The following IMMP2L variants were observed in gnomAD, a reference collection of about 807,000 sequenced individuals.
IMMP2L encodes inner mitochondrial membrane peptidase subunit 2, also known as mitochondrial inner membrane protease subunit 2.
Under a neutral mutation model 19.3 loss-of-function variants are expected in IMMP2L, and 18 were observed. The ratio of observed to expected loss-of-function variants is 0.93; its 90% CI spans 0.64 to 1.38. The LOEUF is 1.38. Among genes scored for constraint, IMMP2L ranks in the 40% most tolerant of loss-of-function variants. The pLI, the probability that IMMP2L is intolerant of heterozygous loss-of-function variation, is 0.00. For missense variants in IMMP2L, 233 were observed against 218.2 expected (o/e 1.07, Z -0.43); for synonymous variants, 76 against 73.0 (o/e 1.04, Z -0.21).
At chr7:111,014,425 A>G (rs1585750824) in intron 3 of IMMP2L, among the ~76,000 whole-genome samples, 1 of 152,210 alleles carries the variant, frequency 6.6e-6, no homozygotes, top group African/African-American at 2.4e-5. Flanking sequence ...GTATGTACAA[A>G]TTACATTTTA....
chr7:110,914,056 C>T (rs1461583371), intron 4 of IMMP2L, among the ~76,000 whole-genome samples: 3 of 152,138 alleles, frequency 2.0e-5, no homozygotes, highest in African/African-American at 4.8e-5. Flanking sequence ...GTCTTGAGCA[C>T]TCAAAAAAAC....
chr7:110,912,033 G>A (rs1345130632), intron 4 of IMMP2L, among the ~76,000 whole-genome samples: 1 of 151,992 alleles, frequency 6.6e-6, no homozygotes, highest in South Asian at 2.1e-4. Flanking sequence ...CATTTCAAAG[G>A]TGTCTGTCTT....
At chr7:111,028,721 A>G in intron 3 of IMMP2L, among the ~76,000 whole-genome samples, 1 of 152,156 alleles carries the variant, frequency 6.6e-6, no homozygotes, top group East Asian at 1.9e-4. Context: ...TTTAGTTAGT[A>G]TTCCATGGTT....
intron 3 of IMMP2L, among the ~76,000 whole-genome samples, chr7:111,032,741 G>C (rs1790956761): frequency 6.6e-6 from 1 of 152,154 alleles, no homozygotes; most frequent in African/African-American, 2.4e-5. Flanking sequence ...AGAATTGCTT[G>C]AATCCAGGAG....
At chr7:111,064,257 T>G (rs761896074) in intron 3 of IMMP2L, among the ~76,000 whole-genome samples, 1 of 152,186 alleles carries the variant, frequency 6.6e-6, no homozygotes, top group Non-Finnish European at 1.5e-5. Flanking sequence ...AGGAAAAACC[T>G]GCCCCCATAA....
rs779644128 is a variant in IMMP2L, at chr7:111,364,727, T to G, written c.239+122511A>C. 5.3e-5 allele frequency among the ~76,000 whole-genome samples: 8 copies of G among 151,868 alleles called. 1 individual carries two copies. Among genetic ancestry groups the G allele is most frequent in the Non-Finnish European group, 8.8e-5 (6 of 67,964 alleles). On this transcript the variant is annotated intron_variant, in intron 3 of 5. Transcript: ENST00000405709. The stretch of plus-strand genomic sequence containing the variant: ...GACTCACTCCTGTAATCCCAGCACT[T>G]TGGGACGCCAAGGCAGGCGAATCAC...
At chr7:110,851,998 C>G (rs1383763750) in intron 5 of IMMP2L, among the ~76,000 whole-genome samples, 5 of 152,058 alleles carry the variant, frequency 3.3e-5, no homozygotes, top group Admixed American at 3.3e-4. Context: ...GCAAAATTGA[C>G]ACTGCATGAC....
At chr7:111,320,039 C>T (rs1824516224) in intron 3 of IMMP2L, among the ~76,000 whole-genome samples, 1 of 151,896 alleles carries the variant, frequency 6.6e-6, no homozygotes, top group Admixed American at 6.6e-5. Flanking sequence ...TCTTCATCCC[C>T]ACATCAGCCT....
intron 3 of IMMP2L, among the ~76,000 whole-genome samples, chr7:111,271,310 G>C (rs1458166213): frequency 6.6e-6 from 1 of 152,086 alleles, no homozygotes; most frequent in African/African-American, 2.4e-5. Context: ...ACCCAGTCTT[G>C]GGCAGTCCTT....
intron 4 of IMMP2L, among the ~76,000 whole-genome samples, chr7:110,948,044 T>G (rs917060658): frequency 6.6e-6 from 1 of 152,136 alleles, no homozygotes; most frequent in Admixed American, 6.5e-5. Flanking sequence ...GGAAAAACAT[T>G]TAATCATTTT....
rs189724468 is a variant in IMMP2L, at chr7:111,271,679, C to T, written c.239+215559G>A. Among the ~76,000 whole-genome samples the T allele has an allele frequency of 1.3e-3, 204 of 152,240 alleles. 1 individual carries two copies. Among genetic ancestry groups the T allele is most frequent in the African/African-American group, 4.7e-3 (197 of 41,540 alleles). ...TGACAATCAGTGGCCCAGGTAACTA[C>T]ATCCACACAGATGCCTGCCATGACT... is the stretch of plus-strand genomic sequence containing the variant. On this transcript the variant is annotated intron_variant, in intron 3 of 5. Coordinates refer to ENST00000405709, the MANE Select transcript of IMMP2L (RefSeq NM_032549.4).
At chr7:111,511,539 C>T (rs1392320263) in intron 2 of IMMP2L, among the ~76,000 whole-genome samples, 1 of 151,612 alleles carries the variant, frequency 6.6e-6, no homozygotes, top group Non-Finnish European at 1.5e-5. Flanking sequence ...ATCCCAGCTA[C>T]TCAGGGGGCT....
At position 111,322,929 on chromosome 7, in the gene IMMP2L, T is replaced by A. The variant is rs923681935; in HGVS notation, c.239+164309A>T. Among the ~76,000 whole-genome samples the A allele has an allele frequency of 2.7e-5, 4 of 147,634 alleles. No homozygotes were observed. In the East Asian group the frequency reaches 7.8e-4, roughly 29 times the overall value. ...TTCATAGCATTAAATACTTACATAA[T>A]TTTTTTTTTACAAAAGTAAATAAAA... is the stretch of plus-strand genomic sequence containing the variant. On this transcript the variant is annotated intron_variant, in intron 3 of 5. Transcript: ENST00000405709.
intron 3 of IMMP2L, among the ~76,000 whole-genome samples, chr7:111,090,501 C>A: frequency 6.6e-6 from 1 of 150,728 alleles, no homozygotes; most frequent in African/African-American, 2.4e-5. Context: ...ATTAGAAATA[C>A]ATATTTTTAA....
At chr7:111,254,356 A>T (rs866111362) in intron 3 of IMMP2L, among the ~76,000 whole-genome samples, 1 of 152,120 alleles carries the variant, frequency 6.6e-6, no homozygotes, top group South Asian at 2.1e-4. Flanking sequence ...CAAATCTGCA[A>T]AGGGGAAAGT....
At chr7:110,742,203 T>C (rs1245428906) in intron 5 of IMMP2L, among the ~76,000 whole-genome samples, 1 of 152,184 alleles carries the variant, frequency 6.6e-6, no homozygotes, top group Non-Finnish European at 1.5e-5. Flanking sequence ...TTTTGTATAT[T>C]TGCTTCAAAT....
intron 3 of IMMP2L, among the ~76,000 whole-genome samples, chr7:111,311,413 G>T (rs1377703339): frequency 6.6e-6 from 1 of 151,954 alleles, no homozygotes; most frequent in African/African-American, 2.4e-5. Flanking sequence ...AAGCATTTTG[G>T]GTCTCCCCTC....
At chr7:111,342,370 G>A (rs1299226193) in intron 3 of IMMP2L, among the ~76,000 whole-genome samples, 1 of 152,116 alleles carries the variant, frequency 6.6e-6, no homozygotes, top group Non-Finnish European at 1.5e-5. Context: ...GAGGTGAGCA[G>A]ATCAAGAGGT....
intron 5 of IMMP2L, among the ~76,000 whole-genome samples, chr7:110,818,879 A>G (rs1802776006): frequency 6.8e-6 from 1 of 147,428 alleles, no homozygotes; most frequent in Non-Finnish European, 1.5e-5. Flanking sequence ...CAAACACCGC[A>G]TATTCTCACT....
Sources: allele counts gnomAD v4.1 joint callset (sites outside exome capture counted in the v4.1 genomes callset), GRCh38; gene constraint gnomAD v4.1.1; transcripts MANE v1.5; gene names NCBI Gene and HGNC (gene_info 2026-07-23, HGNC 2026-07-21).